The following GABPB2 variants were observed in gnomAD, a reference collection of about 807,000 sequenced individuals.
GABPB2 encodes GA-binding protein subunit beta-2.
Under a neutral mutation model 39.1 loss-of-function variants are expected in GABPB2, and 23 were observed. The ratio of observed to expected loss-of-function variants is 0.59; its 90% CI spans 0.42 to 0.83. The LOEUF (loss-of-function observed/expected upper bound fraction) is 0.83, where lower values mean the gene tolerates loss of function less well. Among genes scored for constraint, GABPB2 ranks in the 40% least tolerant of loss-of-function variants. GABPB2 has a pLI of 0.00. For missense variants in GABPB2, 467 were observed against 541.1 expected, an observed-to-expected ratio of 0.86 and a Z score of 1.36; for synonymous variants, 184 against 199.3, an observed-to-expected ratio of 0.92 and a Z score of 0.65.
At chr1:151,084,390 T>G (rs1677991730) in intron 1 of GABPB2, among the ~76,000 whole-genome samples, 2 of 149,754 alleles carry the variant, frequency 1.3e-5, no homozygotes. Flanking sequence ...GCCCGGCTAA[T>G]TTTTTTTGTA....
chr1:151,104,795 T>TTCTC (rs1679813342), intron 6 of GABPB2, among the ~76,000 whole-genome samples: 2 of 53,796 alleles, frequency 3.7e-5, no homozygotes, highest in Admixed American at 2.1e-4. Flanking sequence ...CTTTCTTTCT[T>TTCTC]TCTTTCTTTT....
At chr1:151,098,968 C>A (rs1175621630) in intron 5 of GABPB2, among the ~76,000 whole-genome samples, 1 of 151,412 alleles carries the variant, frequency 6.6e-6, no homozygotes, top group Non-Finnish European at 1.5e-5. Flanking sequence ...CCTGTAATCC[C>A]AGCTACTTGT....
In GABPB2 at chr1:151,093,356, A is replaced by G. The variant is rs1678866634; in HGVS notation, c.441A>G (p.Lys147=). The G allele has an allele frequency of 1.2e-6, 2 of 1,603,038 alleles. No homozygotes were observed. Among genetic ancestry groups the G allele is most frequent in the Non-Finnish European group, 1.7e-6 (2 of 1,175,432 alleles). Reference sequence around the variant, plus strand: ...CAGCCTTTGACATAGCTCTGGAGAAAAACAATGCTGAGATTTTGGTCATCC... The same window carrying G: ...CAGCCTTTGACATAGCTCTGGAGAAGAACAATGCTGAGATTTTGGTCATCC... ...DKSAFDIALE[K]NNAEILVILQ... is the part of the protein sequence containing the mutation. The change falls in exon 4 of 9, where the codon AAA becomes AAG. Residue 147 remains lysine (K), a synonymous_variant. Transcript: ENST00000368918.
chr1:151,101,118 T>C (rs1389296209), intron 5 of GABPB2, among the ~76,000 whole-genome samples: 1 of 147,982 alleles, frequency 6.8e-6, no homozygotes, highest in African/African-American at 2.5e-5. Flanking sequence ...CCAGGCATGG[T>C]GATGCACACC....
At chr1:151,078,617 C>A (rs587631462) in intron 1 of GABPB2, among the ~76,000 whole-genome samples, 3 of 151,950 alleles carry the variant, frequency 2.0e-5, no homozygotes, top group Non-Finnish European at 4.4e-5. Flanking sequence ...AAAAAAAATT[C>A]ATTTTACTTT....
intron 1 of GABPB2, among the ~76,000 whole-genome samples, chr1:151,073,994 T>G (rs1676941984): frequency 6.7e-6 from 1 of 149,922 alleles, no homozygotes; most frequent in African/African-American, 2.4e-5. Context: ...TTTTTTTTTT[T>G]TTTTGAGAGT....
intron 4 of GABPB2, among the ~76,000 whole-genome samples, chr1:151,094,043 CTTTTTTTTT>C (rs59092942): frequency 1.9e-5 from 1 of 54,048 alleles, no homozygotes; most frequent in East Asian, 6.5e-4. Context: ...TGATTTCGTC[CTTTTTTTTT>C]TTTTTTTTTT....
rs1007823874 is a variant in GABPB2 at position 151,086,763 on chromosome 1, G to T, written c.1-1427G>T. On this transcript the variant is annotated intron_variant, in intron 1 of 8. Coordinates refer to ENST00000368918, the MANE Select transcript of GABPB2 (RefSeq NM_144618.3). ...GCTCACTGCAACCTCCACCTCCTGA[G>T]CTCAAGTTTTCCTCCCACTTTAGCC... Among the ~76,000 whole-genome samples the T allele has an allele frequency of 2.6e-5, 4 of 151,980 alleles. No individual in the cohort carries two copies. In the South Asian group the frequency reaches 8.3e-4, roughly 31 times the overall value.
At chr1:151,080,215 CAAAAAAAAAAA>C (rs57351502) in intron 1 of GABPB2, among the ~76,000 whole-genome samples, 109 of 30,000 alleles carry the variant, frequency 3.6e-3, no homozygotes, top group African/African-American at 8.2e-3. Flanking sequence ...AACTCCATCT[CAAAAAAAAAAA>C]AAAAAAAAAA....
chr1:151,111,229 C>T (rs985637887), intron 7 of GABPB2, among the ~76,000 whole-genome samples: 1 of 151,694 alleles, frequency 6.6e-6, no homozygotes, highest in Non-Finnish European at 1.5e-5. Flanking sequence ...CCTGCTACAG[C>T]TCCCGAAATT....
At chr1:151,108,519 T>C (rs1366993882) in intron 7 of GABPB2, among the ~76,000 whole-genome samples, 2 of 151,976 alleles carry the variant, frequency 1.3e-5, no homozygotes, top group African/African-American at 4.8e-5. Flanking sequence ...TTTTTGTGTG[T>C]GTAACTGGGT....
intron 3 of GABPB2, among the ~76,000 whole-genome samples, chr1:151,091,326 G>A (rs1678677135): frequency 6.6e-6 from 1 of 150,866 alleles, no homozygotes. Context: ...GACCTCAGGT[G>A]ATCCACCTGC....
intron 3 of GABPB2, among the ~76,000 whole-genome samples, chr1:151,091,474 A>C (rs1361912782): frequency 1.4e-5 from 2 of 146,492 alleles, no homozygotes; most frequent in African/African-American, 2.5e-5. Flanking sequence ...TCAAAAAAAA[A>C]AAAAAAAAAA....
chr1:151,077,678 C>T (rs1571884048), intron 1 of GABPB2, among the ~76,000 whole-genome samples: 1 of 152,040 alleles, frequency 6.6e-6, no homozygotes, highest in Non-Finnish European at 1.5e-5. Context: ...AGAGGCCAGG[C>T]GCAGTGGCTC....
chr1:151,083,564 C>G (rs886806476), intron 1 of GABPB2, among the ~76,000 whole-genome samples: 1 of 151,452 alleles, frequency 6.6e-6, no homozygotes, highest in Admixed American at 6.6e-5. Context: ...ACCCAGGCAG[C>G]AGAGGTTGGC....
intron 7 of GABPB2, among the ~76,000 whole-genome samples, chr1:151,114,253 G>C (rs1389856031): frequency 2.0e-5 from 3 of 152,014 alleles, no homozygotes; most frequent in Non-Finnish European, 4.4e-5. Flanking sequence ...CTACTTGGGA[G>C]GGTCACTGGA....
chr1:151,084,977 G>A lies in GABPB2; in HGVS notation c.1-3213G>A, dbSNP rs946755211. Among the ~76,000 whole-genome samples the A allele has an allele frequency of 7.9e-5, 12 of 152,208 alleles. No homozygotes were observed. In the East Asian group the frequency reaches 9.6e-4, roughly 12 times the overall value. On this transcript the variant is annotated intron_variant, in intron 1 of 8. Transcript: ENST00000368918. ...TAGCTGGGCATGGTGCCACTTGCCT[G>A]TAGTCTCAGCTACTTGGAAGGCTGA... is the stretch of plus-strand genomic sequence containing the variant.
At chr1:151,075,563 CAAAAAAAAAAA>C (rs35110350) in intron 1 of GABPB2, among the ~76,000 whole-genome samples, 2 of 44,270 alleles carry the variant, frequency 4.5e-5, no homozygotes, top group Admixed American at 2.8e-4. Flanking sequence ...GACTTTGTCT[CAAAAAAAAAAA>C]AAAAAAAAAA....
In GABPB2 at chr1:151,118,298, C is replaced by G. The variant is rs771311078; in HGVS notation, c.*42C>G. 4 of 1,533,088 alleles carry G rather than the reference C, an allele frequency of 2.6e-6. No homozygotes were observed. In the South Asian group the frequency reaches 4.9e-5, roughly 19 times the overall value. 95.0% of individuals were successfully genotyped at this position (1,533,088 alleles called of 1,614,324 possible). On this transcript the variant is annotated 3_prime_UTR_variant, in exon 9 of 9. Transcript: ENST00000368918. ...TTTGCACTGTGTTCATATTAATCCT[C>G]TTTTAAAAAAGGAAATATACAGAAG...
Sources: allele counts gnomAD v4.1 joint callset (sites outside exome capture counted in the v4.1 genomes callset), GRCh38; gene constraint gnomAD v4.1.1; transcripts MANE v1.5; gene names NCBI Gene and HGNC (gene_info 2026-07-23, HGNC 2026-07-21).